SCN9A: variants seen among roughly 807,000 people sequenced by gnomAD.
The protein encoded by SCN9A is sodium channel protein type 9 subunit alpha.
SCN9A carries 131 observed loss-of-function variants against 187.0 expected under a neutral mutation model. The observed-to-expected ratio is 0.70, with a 90% confidence interval of 0.61 to 0.81. SCN9A has a LOEUF of 0.81. Ranked by LOEUF, SCN9A falls within the 30% of genes least tolerant of loss-of-function variation. The pLI is 0.00. For synonymous variants in SCN9A, 809 were observed against 808.6 expected, an observed-to-expected ratio of 1.00 and a Z score of -0.01; for missense variants, 2,252 against 2,396.6, an observed-to-expected ratio of 0.94 and a Z score of 1.26.
Position 166,199,165 on chromosome 2 carries a change from G to A in SCN9A, c.5474C>T (p.Ala1825Val), listed in dbSNP as rs759259640. The A allele has an allele frequency of 1.2e-6, 2 of 1,614,164 alleles. No individual in the cohort carries two copies. The highest frequency in any genetic ancestry group is 2.2e-5 in the East Asian group (1 of 44,872). Residue 1825 changes from alanine to valine, a missense_variant, in exon 27 of 27, where the codon GCC becomes GTC. Physicochemically the swap from Ala to Val is moderately conservative, Grantham distance 64. Transcript: ENST00000642356. The part of the protein sequence containing the change: ...IAKPNKVQLI[A>V]MDLPMVSGDR... ...ACCACTAACCATGGGCAGATCCATG[G>A]CAATGAGCTGGACTTTGTTGGGTTT... is the stretch of plus-strand genomic sequence containing the variant.
intron 8 of SCN9A, among the ~76,000 whole-genome samples, chr2:166,293,963 A>G (rs1020773890): frequency 2.0e-5 from 3 of 152,144 alleles, no homozygotes; most frequent in Non-Finnish European, 4.4e-5. Flanking sequence ...GGGAACAGCA[A>G]CCTTATCCAG....
rs901877245 is a variant in SCN9A, at chr2:166,198,656, T to C, written c.*16A>G. ...TCACTTTCACAGGCTGTAAACAATA[T>C]ATCAAAAATGAAGCTCTATTTTTTG... On this transcript the variant is annotated 3_prime_UTR_variant, in exon 27 of 27. Transcript: ENST00000642356. 3 of 1,536,052 alleles carry C rather than the reference T, an allele frequency of 2.0e-6. No homozygotes were observed. Among genetic ancestry groups the C allele is most frequent in the African/African-American group, 1.4e-5 (1 of 72,642 alleles).
intron 18 of SCN9A, among the ~76,000 whole-genome samples, chr2:166,243,255 G>T (rs1031810491): frequency 1.3e-5 from 2 of 151,914 alleles, no homozygotes; most frequent in African/African-American, 2.4e-5. Flanking sequence ...ATTGAAAATT[G>T]TACTTAAAAA....
intron 1 of SCN9A, among the ~76,000 whole-genome samples, chr2:166,329,129 T>C (rs1325067650): frequency 1.3e-5 from 2 of 152,196 alleles, no homozygotes; most frequent in African/African-American, 4.8e-5. Flanking sequence ...ATCTGCATCA[T>C]TATTATTTGC....
chr2:166,278,104 T>G (rs768686186), intron 15 of SCN9A, 36 bp downstream of exon 15: 1 of 1,557,894 alleles, frequency 6.4e-7, no homozygotes. Flanking sequence ...TACCCCTTTA[T>G]TATAGAATAT....
chr2:166,217,824 A>G (rs1694401588), intron 24 of SCN9A, among the ~76,000 whole-genome samples: 2 of 152,062 alleles, frequency 1.3e-5, no homozygotes, highest in South Asian at 4.1e-4. Flanking sequence ...AAACAAATAC[A>G]ATTACCATAT....
intron 1 of SCN9A, among the ~76,000 whole-genome samples, chr2:166,315,276 T>G (rs544980017): frequency 6.6e-6 from 1 of 152,278 alleles, no homozygotes; most frequent in East Asian, 1.9e-4. Context: ...GTACCATCTC[T>G]TTCAAGAATT....
chr2:166,348,799 A>G (rs1699963483), intron 1 of SCN9A, among the ~76,000 whole-genome samples: 1 of 152,166 alleles, frequency 6.6e-6, no homozygotes, highest in South Asian at 2.1e-4. Context: ...AGCCAGTCCA[A>G]GAGTTTTAAA....
At chr2:166,202,297 T>A (rs998819482) in intron 26 of SCN9A, among the ~76,000 whole-genome samples, 2 of 150,826 alleles carry the variant, frequency 1.3e-5, no homozygotes. Flanking sequence ...TACTAGAATC[T>A]TTTTTTTTAA....
At position 166,280,379 on chromosome 2, in the gene SCN9A, T is replaced by G. The variant is rs1697424045; in HGVS notation, c.2321A>C (p.Asn774Thr). Residue 774 changes from asparagine (N) to threonine (T), a missense_variant, in exon 14 of 27, where the codon AAT becomes ACT. Asn to Thr is a moderately conservative substitution (Grantham distance 65, BLOSUM62 0). Transcript: ENST00000642356. The part of the protein sequence containing the change: ...EHHPMTEEFK[N>T]VLAIGNLVFT... Reference sequence around the variant, plus strand: ...TACCAAATTTCCTATAGCAAGTACATTTTTGAATTCCTCAGTCATTGGGTG... The same window carrying G: ...TACCAAATTTCCTATAGCAAGTACAGTTTTGAATTCCTCAGTCATTGGGTG... 1 of 1,578,188 alleles carries G rather than the reference T, an allele frequency of 6.3e-7. No homozygotes were observed.
intron 26 of SCN9A, among the ~76,000 whole-genome samples, 173 bp downstream of exon 26, chr2:166,203,782 C>G (rs191184365): frequency 6.6e-6 from 1 of 152,034 alleles, no homozygotes; most frequent in Admixed American, 6.6e-5. Context: ...CCCAGAAACA[C>G]TGTAGTATGA....
At chr2:166,282,585 C>T (rs1013507566) in intron 12 of SCN9A, among the ~76,000 whole-genome samples, 3 of 152,132 alleles carry the variant, frequency 2.0e-5, no homozygotes, top group Non-Finnish European at 4.4e-5. Flanking sequence ...CACACTCACA[C>T]ACACATATAT....
intron 1 of SCN9A, among the ~76,000 whole-genome samples, chr2:166,315,426 A>G (rs748745862): frequency 6.6e-6 from 1 of 152,172 alleles, no homozygotes; most frequent in African/African-American, 2.4e-5. Flanking sequence ...CAGAATGACT[A>G]AAGTATATGA....
chr2:166,371,087 T>TTAGG (rs1700549855), intron 1 of SCN9A, among the ~76,000 whole-genome samples: 3 of 152,264 alleles, frequency 2.0e-5, no homozygotes, highest in Non-Finnish European at 1.5e-5. Flanking sequence ...TAAAGTAACG[T>TTAGG]TAGGTTTCAA....
upstream of SCN9A, chr2:166,375,969 C>T (rs977596597): frequency 7.2e-5 from 11 of 152,190 alleles, no homozygotes; most frequent in Non-Finnish European, 1.5e-4. Context: ...AGGGCGCGCC[C>T]GTGGAGGTAG....
intron 2 of SCN9A, among the ~76,000 whole-genome samples, chr2:166,309,080 A>C (rs1241937981): frequency 6.6e-6 from 1 of 152,104 alleles, no homozygotes; most frequent in African/African-American, 2.4e-5. Flanking sequence ...ATATAAGGCA[A>C]GATGTGACAG....
At chr2:166,314,978 T>C (rs6718922) in intron 1 of SCN9A, among the ~76,000 whole-genome samples, 97,060 of 152,074 alleles carry the variant, frequency 0.64, 31,654 homozygotes, top group African/African-American at 0.75. Context: ...GTAAATTATA[T>C]CTTAATAAAA....
At chr2:166,226,770 T>C in intron 23 of SCN9A, 66 bp from the exon 24 acceptor site, 1 of 1,259,766 alleles carries the variant, frequency 7.9e-7, no homozygotes, top group Non-Finnish European at 1.1e-6. Flanking sequence ...TTTCACATGG[T>C]TTGACCAGGT....
At position 166,345,854 on chromosome 2, in the gene SCN9A, AG is replaced by A. The variant is rs369031999; in HGVS notation, c.-51+29842del. Among the ~76,000 whole-genome samples the A allele has an allele frequency of 3.3e-4, 50 of 152,322 alleles. No individual in the cohort carries two copies. The East Asian group carries it at 9.3e-3, about 28-fold the overall frequency. ...CAAGAGAATATCTTCTAACGATAGA[AG>A]TTTATCATGTTAGGAAGAAAGCAAC... On this transcript the variant is annotated intron_variant, in intron 1 of 26. Transcript: ENST00000642356.
Sources: allele counts gnomAD v4.1 joint callset (sites outside exome capture counted in the v4.1 genomes callset), GRCh38; gene constraint gnomAD v4.1.1; transcripts MANE v1.5; gene names NCBI Gene and HGNC (gene_info 2026-07-23, HGNC 2026-07-21).